Variants in MTUS1 observed in about 807,000 individuals in gnomAD.
MTUS1 encodes microtubule associated scaffold protein 1.
MTUS1 carries 109 observed loss-of-function variants against 120.8 expected under a neutral mutation model. The ratio of observed to expected loss-of-function variants is 0.90; its 90% CI spans 0.77 to 1.06. MTUS1 has a LOEUF of 1.06. MTUS1 is among the 50% of genes least tolerant of loss of function. The pLI is 0.00. For missense variants in MTUS1, 2,210 were observed against 1,486.3 expected (o/e 1.49, Z -8.01); for synonymous variants, 737 against 550.5 (o/e 1.34, Z -4.74).
At chr8:17,699,016 C>T (rs921820668) in intron 6 of MTUS1, among the ~76,000 whole-genome samples, 5 of 152,104 alleles carry the variant, frequency 3.3e-5, no homozygotes, top group African/African-American at 1.2e-4. Flanking sequence ...TATACCAGAA[C>T]CTTTTCCTCT....
intron 8 of MTUS1, among the ~76,000 whole-genome samples, chr8:17,658,718 A>G (rs879660769): frequency 1.3e-5 from 2 of 152,220 alleles, no homozygotes; most frequent in Non-Finnish European, 2.9e-5. Flanking sequence ...ATTTAGATCA[A>G]TAATTATTTG....
chr8:17,745,054 T>C (rs1380466452), intron 2 of MTUS1, among the ~76,000 whole-genome samples: 1 of 152,218 alleles, frequency 6.6e-6, no homozygotes, highest in Admixed American at 6.5e-5. Flanking sequence ...TCATCAGCCA[T>C]GGTCCTCATA....
At chr8:17,689,408 G>C (rs1816509492) in intron 6 of MTUS1, among the ~76,000 whole-genome samples, 1 of 152,122 alleles carries the variant, frequency 6.6e-6, no homozygotes, top group Non-Finnish European at 1.5e-5. Context: ...AGAATAGAAA[G>C]CATATTCGAG....
intron 8 of MTUS1, among the ~76,000 whole-genome samples, chr8:17,662,676 T>C (rs1810014823): frequency 6.6e-6 from 1 of 151,916 alleles, no homozygotes; most frequent in African/African-American, 2.4e-5. Context: ...ATCATTCCAT[T>C]AGTCTATTTT....
At chr8:17,778,753 G>A (rs1004595123) in intron 1 of MTUS1, among the ~76,000 whole-genome samples, 1 of 152,152 alleles carries the variant, frequency 6.6e-6, no homozygotes, top group African/African-American at 2.4e-5. Context: ...AGGTTGCAGT[G>A]AGCTGAGATA....
chr8:17,772,852 C>T (rs2050119211), intron 1 of MTUS1, among the ~76,000 whole-genome samples: 1 of 151,988 alleles, frequency 6.6e-6, no homozygotes, highest in Non-Finnish European at 1.5e-5. Flanking sequence ...TAAGGAAAAA[C>T]CATATGAACA....
chr8:17,779,441 T>C (rs1251517707), intron 1 of MTUS1, among the ~76,000 whole-genome samples: 1 of 152,242 alleles, frequency 6.6e-6, no homozygotes, highest in Non-Finnish European at 1.5e-5. Flanking sequence ...AGGTTGCCTA[T>C]GGGTAAACTA....
chr8:17,801,505 C>T (rs1343019227), upstream of MTUS1: 2 of 152,100 alleles, frequency 1.3e-5, no homozygotes, highest in African/African-American at 4.8e-5. Flanking sequence ...TCTCCGCTCC[C>T]GCTCTCGGGT....
At chr8:17,779,324 G>C (rs2050694727) in intron 1 of MTUS1, among the ~76,000 whole-genome samples, 1 of 152,198 alleles carries the variant, frequency 6.6e-6, no homozygotes. Flanking sequence ...GTGACCAGGA[G>C]ACGTAATGAT....
chr8:17,686,481 G>C (rs1815826207), intron 6 of MTUS1, among the ~76,000 whole-genome samples: 1 of 151,970 alleles, frequency 6.6e-6, no homozygotes. Context: ...AACAAATATA[G>C]ACACAGTTCA....
chr8:17,682,517 CAAAAAAA>C (rs55901871), intron 7 of MTUS1, among the ~76,000 whole-genome samples: 9 of 114,994 alleles, frequency 7.8e-5, no homozygotes, highest in Non-Finnish European at 6.9e-5. Context: ...GACTCCATCC[CAAAAAAA>C]AAAAAAAAAA....
chr8:17,737,841 T>C (rs2047039755), intron 3 of MTUS1, among the ~76,000 whole-genome samples: 1 of 152,210 alleles, frequency 6.6e-6, no homozygotes, highest in Admixed American at 6.5e-5. Flanking sequence ...TTTTAGTAAT[T>C]ACTTTATTCA....
intron 2 of MTUS1, among the ~76,000 whole-genome samples, chr8:17,752,332 A>G (rs971053149): frequency 6.6e-6 from 1 of 152,240 alleles, no homozygotes; most frequent in Admixed American, 6.5e-5. Context: ...TGTAAATGCC[A>G]AACTAAGAAT....
At chr8:17,782,833 T>C (rs569789679) in intron 1 of MTUS1, among the ~76,000 whole-genome samples, 1 of 152,260 alleles carries the variant, frequency 6.6e-6, no homozygotes, top group African/African-American at 2.4e-5. Context: ...ATCCCAGCAC[T>C]TTGGGAGACA....
chr8:17,741,667 TTCTA>T (rs1349575389), intron 3 of MTUS1, among the ~76,000 whole-genome samples: 2 of 152,102 alleles, frequency 1.3e-5, no homozygotes, highest in Admixed American at 6.5e-5. Context: ...CATAAAAGGA[TTCTA>T]TCTTTTTCAA....
chr8:17,726,081 T>C (rs1373780349), intron 3 of MTUS1, among the ~76,000 whole-genome samples: 4 of 152,230 alleles, frequency 2.6e-5, no homozygotes, highest in Admixed American at 2.0e-4. Flanking sequence ...CGCCCATCCT[T>C]CCGACTGAAC....
chr8:17,674,081 G>A (rs1292887194), intron 8 of MTUS1, among the ~76,000 whole-genome samples: 1 of 152,124 alleles, frequency 6.6e-6, no homozygotes, highest in Non-Finnish European at 1.5e-5. Context: ...AGGTTGAGGA[G>A]CCCAGGGCAG....
intron 2 of MTUS1, among the ~76,000 whole-genome samples, chr8:17,750,168 T>C (rs1026290827): frequency 6.6e-6 from 1 of 152,206 alleles, no homozygotes; most frequent in Admixed American, 6.5e-5. Flanking sequence ...GTCGAATTCA[T>C]ACATTAGGTG....
intron 1 of MTUS1, among the ~76,000 whole-genome samples, chr8:17,798,170 G>A (rs2052397374): frequency 6.6e-6 from 1 of 152,038 alleles, no homozygotes; most frequent in African/African-American, 2.4e-5. Flanking sequence ...TCAGTCTTAG[G>A]GATTTAAAAC....
Sources: gnomAD v4.1 joint callset for allele counts (sites outside exome capture counted in the v4.1 genomes callset) on GRCh38, gnomAD v4.1.1 for gene constraint, MANE v1.5 for transcripts, NCBI Gene and HGNC (gene_info 2026-07-23, HGNC 2026-07-21) for gene names.